TRPM7: variants seen among roughly 807,000 people sequenced by gnomAD.
TRPM7 encodes LTRPC ion channel family member 7.
In TRPM7, 134 loss-of-function variants were observed where a neutral mutation model predicts 229.7. The ratio of observed to expected loss-of-function variants is 0.58; its 90% CI spans 0.51 to 0.67. TRPM7 has a LOEUF of 0.67. Among genes scored for constraint, TRPM7 ranks in the 30% least tolerant of loss-of-function variants. The pLI is 0.00. For synonymous variants in TRPM7, 699 were observed against 715.2 expected (o/e 0.98, Z 0.36); for missense variants, 1,901 against 2,210.0 (o/e 0.86, Z 2.80).
At chr15:50,612,855 GC>G in intron 15 of TRPM7, 26 bp from the exon 16 acceptor site, 1 of 1,585,128 alleles carries the variant, frequency 6.3e-7, no homozygotes, top group Non-Finnish European at 8.5e-7. Flanking sequence ...AAGTTATAAA[GC>G]TCATTATAAT....
chr15:50,597,042 A>G (rs920607046), intron 22 of TRPM7, among the ~76,000 whole-genome samples: 9 of 152,184 alleles, frequency 5.9e-5, no homozygotes, highest in Non-Finnish European at 1.3e-4. Context: ...CTCAACTTTA[A>G]GAGTATGGTT....
At chr15:50,607,119 C>G (rs1215025352) in intron 20 of TRPM7, 81 bp downstream of exon 20, 1 of 1,309,468 alleles carries the variant, frequency 7.6e-7, no homozygotes, top group Non-Finnish European at 1.1e-6. Context: ...CACCCCCCTA[C>G]GTATACACCC....
At chr15:50,653,356 A>G (rs2061475855) in intron 3 of TRPM7, among the ~76,000 whole-genome samples, 1 of 152,232 alleles carries the variant, frequency 6.6e-6, no homozygotes, top group East Asian at 1.9e-4. Flanking sequence ...GCAAACTAGG[A>G]AAGGAGGAAA....
At chr15:50,681,993 C>A (rs1357401726) in intron 1 of TRPM7, among the ~76,000 whole-genome samples, 1 of 151,982 alleles carries the variant, frequency 6.6e-6, no homozygotes, top group East Asian at 1.9e-4. Flanking sequence ...GCCTGGCCAA[C>A]ATGGGGAAAC....
At chr15:50,569,842 G>A (rs752417705) in intron 38 of TRPM7, 45 bp downstream of exon 38, 2 of 1,343,598 alleles carry the variant, frequency 1.5e-6, no homozygotes, top group South Asian at 2.7e-5. Context: ...TAGTAACCAA[G>A]TTTCGTAACA....
intron 9 of TRPM7, among the ~76,000 whole-genome samples, chr15:50,632,002 T>A (rs2060751307): frequency 6.6e-6 from 1 of 152,166 alleles, no homozygotes; most frequent in Non-Finnish European, 1.5e-5. Flanking sequence ...TTTAATAACA[T>A]TTTTCATAAA....
chr15:50,616,671 C>T (rs1596206143), intron 13 of TRPM7, among the ~76,000 whole-genome samples: 1 of 108,480 alleles, frequency 9.2e-6, no homozygotes, highest in Non-Finnish European at 1.8e-5. Flanking sequence ...ATAGTAAAGT[C>T]AAAAAATGTA....
intron 3 of TRPM7, among the ~76,000 whole-genome samples, chr15:50,656,296 T>C (rs545217068): frequency 1.3e-5 from 2 of 151,944 alleles, no homozygotes; most frequent in Non-Finnish European, 2.9e-5. Context: ...CTGTCAGGTC[T>C]TTTTGTTTGT....
intron 22 of TRPM7, 129 bp from the exon 23 acceptor site, chr15:50,596,510 C>A: frequency 2.7e-6 from 2 of 746,182 alleles, no homozygotes; most frequent in Non-Finnish European, 3.9e-6. Flanking sequence ...AAATCTGTTT[C>A]ACAGATTCCA....
rs777488586 is a variant in TRPM7 at position 50,614,261 on chromosome 15, T to G, written c.1497A>C (p.Gly499=). 1 of 1,595,620 alleles carries G rather than the reference T, an allele frequency of 6.3e-7. No individual in the cohort carries two copies. The highest frequency in any genetic ancestry group is 8.5e-7 in the Non-Finnish European group (1 of 1,174,418). ...TGATCTTATATCCTGGAGGAAGATT[T>G]CCCTAGAAACAAAACATTTGTTTTA... ...LFHLVRDVKQ[G]NLPPGYKITL... Residue 499 remains glycine (G), a splice_region_variant and synonymous_variant, in exon 14 of 39, where the codon GGA becomes GGC. Transcript: ENST00000646667.
chr15:50,578,053 A>T (rs1423970732), intron 31 of TRPM7, among the ~76,000 whole-genome samples: 2 of 152,194 alleles, frequency 1.3e-5, no homozygotes, highest in African/African-American at 2.4e-5. Context: ...AGGTGAAACT[A>T]TTGTTTTAGG....
chr15:50,601,364 C>T (rs2059775323), intron 21 of TRPM7, among the ~76,000 whole-genome samples: 1 of 152,150 alleles, frequency 6.6e-6, no homozygotes, highest in Non-Finnish European at 1.5e-5. Flanking sequence ...TAAAATTTTA[C>T]TGGGCACGGT....
At chr15:50,643,017 C>A (rs1015022663) in intron 5 of TRPM7, among the ~76,000 whole-genome samples, 36 of 152,236 alleles carry the variant, frequency 2.4e-4, no homozygotes, top group African/African-American at 8.2e-4. Context: ...AAGGGCCGGG[C>A]GTGGTGGCTA....
chr15:50,680,813 C>T (rs2062225029), intron 1 of TRPM7, among the ~76,000 whole-genome samples: 2 of 152,128 alleles, frequency 1.3e-5, no homozygotes. Flanking sequence ...AAGCCTTCTC[C>T]AAGTTTCTGT....
At chr15:50,583,273 C>A in intron 28 of TRPM7, 114 bp from the exon 29 acceptor site, 2 of 577,254 alleles carry the variant, frequency 3.5e-6, no homozygotes, top group Non-Finnish European at 5.8e-6. Flanking sequence ...ATAACTCAAC[C>A]TTTCCTCAAC....
rs2061165004 is a variant in TRPM7, at chr15:50,643,455, A to G, written c.420T>C (p.His140=). The part of the protein sequence containing the change: ...MELPKLVISV[H]GGMQKFELHP... ...GAAGCTCAAATTTCTGCATGCCCCC[A>G]TGTACAGAGATAACAAGTTTGGGTA... Residue 140 remains histidine (H), a synonymous_variant, in exon 5 of 39, where the codon CAT becomes CAC. Coordinates refer to ENST00000646667, the MANE Select transcript of TRPM7 (RefSeq NM_017672.6). The G allele has an allele frequency of 3.1e-6, 5 of 1,614,082 alleles. No individual in the cohort carries two copies. In the South Asian group the frequency reaches 3.3e-5, roughly 11 times the overall value.
At chr15:50,652,743 G>A (rs79298515) in intron 3 of TRPM7, among the ~76,000 whole-genome samples, 22,201 of 152,046 alleles carry the variant, frequency 0.15, 2,212 homozygotes, top group Admixed American at 0.28. Flanking sequence ...AAACCAGCCC[G>A]TAATTCCAGC....
chr15:50,580,873 C>T lies in TRPM7; in HGVS notation c.4592+1G>A. ...CTAATGGTAAGAAAAAGCTTACTTACATTTCTCTGTTTGATGGTCTATCTT... is the reference window on the plus strand; with the variant it reads ...CTAATGGTAAGAAAAAGCTTACTTATATTTCTCTGTTTGATGGTCTATCTT... On this transcript the variant is annotated splice_donor_variant, in intron 30 of 38. Transcript: ENST00000646667. LOFTEE classifies it high-confidence loss of function. 1.9e-6 allele frequency: 3 copies of T among 1,583,626 alleles called. No homozygotes were observed. Among genetic ancestry groups the T allele is most frequent in the Non-Finnish European group, 2.6e-6 (3 of 1,170,588 alleles).
At chr15:50,563,115 T>C (rs919086275) in intron 38 of TRPM7, among the ~76,000 whole-genome samples, 1 of 152,194 alleles carries the variant, frequency 6.6e-6, no homozygotes, top group Non-Finnish European at 1.5e-5. Flanking sequence ...CAACTACAGA[T>C]TGTGGGCCAA....
Sources: gnomAD v4.1 joint callset for allele counts (sites outside exome capture counted in the v4.1 genomes callset) on GRCh38, gnomAD v4.1.1 for gene constraint, MANE v1.5 for transcripts, NCBI Gene and HGNC (gene_info 2026-07-23, HGNC 2026-07-21) for gene names.